Variants in KCNIP3 observed in about 807,000 individuals in gnomAD.
KCNIP3 encodes the protein potassium voltage-gated channel interacting protein 3, also known as calsenilin.
KCNIP3 carries 28 observed loss-of-function variants against 35.0 expected under a neutral mutation model. That is an observed-to-expected ratio of 0.80 (90% CI 0.59 to 1.10). KCNIP3 has a LOEUF of 1.10. Ranked by LOEUF, KCNIP3 falls within the 50% of genes least tolerant of loss-of-function variation. KCNIP3 has a pLI of 0.00. For synonymous variants in KCNIP3, 134 were observed against 133.8 expected, an observed-to-expected ratio of 1.00 and a Z score of -0.01; for missense variants, 295 against 338.4, an observed-to-expected ratio of 0.87 and a Z score of 1.01.
chr2:95,308,000 A>T (rs1244848145), intron 1 of KCNIP3, among the ~76,000 whole-genome samples: 2 of 152,200 alleles, frequency 1.3e-5, no homozygotes, highest in Non-Finnish European at 2.9e-5. Context: ...GTGTGTGTGC[A>T]TATGTATGTG....
Position 95,375,142 on chromosome 2 carries a change from C to T in KCNIP3, c.381C>T (p.Ala127=). 15 of 1,614,178 alleles carry T rather than the reference C, an allele frequency of 9.3e-6. No homozygotes were observed. Among genetic ancestry groups the T allele is most frequent in the East Asian group, 4.5e-5 (2 of 44,876 alleles). Reference sequence around the variant, plus strand: ...CCTCTTCCTTGCCCTCCCCAGATGCCACCACCTATGCACACTTCCTCTTCA... The same window carrying T: ...CCTCTTCCTTGCCCTCCCCAGATGCTACCACCTATGCACACTTCCTCTTCA... ...IYAQFFPQGD[A]TTYAHFLFNA... is the part of the protein sequence containing the mutation. The change falls in exon 5 of 9, where the codon GCC becomes GCT. Residue 127 remains alanine, a synonymous_variant. Coordinates refer to ENST00000295225, the MANE Select transcript of KCNIP3 (RefSeq NM_013434.5).
chr2:95,317,111 G>GAGGT (rs1678476578), intron 2 of KCNIP3, among the ~76,000 whole-genome samples: 1 of 152,218 alleles, frequency 6.6e-6, no homozygotes, highest in Non-Finnish European at 1.5e-5. Flanking sequence ...TCAAGAGACA[G>GAGGT]CCTAAGGCTA....
intron 2 of KCNIP3, 106 bp downstream of exon 2, chr2:95,310,626 T>C (rs2104210253): frequency 1.6e-6 from 2 of 1,233,678 alleles, no homozygotes; most frequent in Non-Finnish European, 2.4e-6. Context: ...CAGCCTGGGC[T>C]ACATCGCCCC....
rs761059602 is a variant in KCNIP3, at chr2:95,382,343, C to A, written c.556-34C>A. 4.7e-6 allele frequency: 7 copies of A among 1,475,886 alleles called. No individual in the cohort carries two copies. In the South Asian group the frequency reaches 9.1e-5, roughly 19 times the overall value. 91.4% of individuals were successfully genotyped at this position (1,475,886 alleles called of 1,614,324 possible). Reference sequence around the variant, plus strand: ...TTTGGGCCCTCACAGCCACCCCGGCCTTGCAGCAGGCTCATGCCAGCCTCC... The same window carrying A: ...TTTGGGCCCTCACAGCCACCCCGGCATTGCAGCAGGCTCATGCCAGCCTCC... On this transcript the variant is annotated intron_variant, in intron 6 of 8. Transcript: ENST00000295225. The surrounding 1 kb of genome is among the most constrained non-coding windows in gnomAD (Gnocchi z 4.5).
chr2:95,385,773 G>C lies in KCNIP3; in HGVS notation c.*1724G>C, dbSNP rs1350011682. The C allele has an allele frequency of 2.0e-5, 3 of 152,772 alleles. No individual in the cohort carries two copies. Among genetic ancestry groups the C allele is most frequent in the Non-Finnish European group, 4.4e-5 (3 of 68,146 alleles). The allele number at this position is 152,772 out of a possible 1,614,324, so 9.5% of individuals were successfully genotyped here. On this transcript the variant is annotated 3_prime_UTR_variant, in exon 9 of 9. Transcript: ENST00000295225. ...CTCCAGGAGGGCATCAGCTTTCCCT[G>C]GCTCAGGGATCTTCTCCCTCCCCTC...
chr2:95,344,029 T>G (rs1370199468), intron 2 of KCNIP3, among the ~76,000 whole-genome samples: 1 of 152,060 alleles, frequency 6.6e-6, no homozygotes, highest in Non-Finnish European at 1.5e-5. Context: ...CAAGGACCAG[T>G]GAACTGCTCC....
At position 95,381,694 on chromosome 2, in the gene KCNIP3, C is replaced by T; in HGVS notation, c.546C>T (p.Ile182=). The change falls in exon 6 of 9, where the codon ATC becomes ATT. Residue 182 remains isoleucine, a synonymous_variant. Transcript: ENST00000295225. ...ACGACATTAACAAGGATGGCTACAT[C>T]ACCAAAGAGGTAGTAGGGGGCTGGG... The part of the protein sequence containing the change: ...NLYDINKDGY[I]TKEEMLAIMK... The T allele has an allele frequency of 6.2e-7, 1 of 1,611,534 alleles. No individual in the cohort carries two copies.
intron 2 of KCNIP3, among the ~76,000 whole-genome samples, chr2:95,328,051 C>T (rs777540658): frequency 1.3e-4 from 20 of 152,250 alleles, no homozygotes; most frequent in Admixed American, 6.5e-4. Flanking sequence ...CCCCCACACC[C>T]TCTCAGGGGA....
chr2:95,340,003 G>A (rs1679153686), intron 2 of KCNIP3, among the ~76,000 whole-genome samples: 1 of 152,112 alleles, frequency 6.6e-6, no homozygotes, highest in Admixed American at 6.5e-5. Flanking sequence ...AGTGGGAAAA[G>A]AGAAGAGAGA....
rs1197163803 is a variant in KCNIP3, at chr2:95,378,875, C to T, written c.448-2721C>T. Among the ~76,000 whole-genome samples, 1 of 148,842 alleles carries T rather than the reference C, an allele frequency of 6.7e-6. No individual in the cohort carries two copies. The highest frequency in any genetic ancestry group is 1.5e-5 in the Non-Finnish European group (1 of 67,730). ...ATATATACACATATATACACACACA[C>T]ACATATATATACACACACACACATA... On this transcript the variant is annotated intron_variant, in intron 5 of 8. Coordinates refer to ENST00000295225, the MANE Select transcript of KCNIP3 (RefSeq NM_013434.5). The surrounding 1 kb of genome is among the most constrained non-coding windows in gnomAD (Gnocchi z 4.0).
chr2:95,365,526 T>A (rs1438044138), intron 2 of KCNIP3, among the ~76,000 whole-genome samples: 2 of 152,170 alleles, frequency 1.3e-5, no homozygotes, highest in Non-Finnish European at 2.9e-5. Context: ...ACGATCCTTG[T>A]AAGAGCAGTT....
intron 2 of KCNIP3, among the ~76,000 whole-genome samples, chr2:95,325,824 CA>C (rs1678744920): frequency 1.4e-5 from 2 of 145,122 alleles, no homozygotes; most frequent in Non-Finnish European, 3.0e-5. Flanking sequence ...CACACATACA[CA>C]TACACTCATA....
At chr2:95,374,991 C>T (rs1308812292) in intron 4 of KCNIP3, 74 bp downstream of exon 4, 2 of 1,557,412 alleles carry the variant, frequency 1.3e-6, no homozygotes, top group Non-Finnish European at 8.8e-7. Context: ...CCCTTGCATC[C>T]TGGAGGCTTG....
chr2:95,337,253 C>G (rs1436852050), intron 2 of KCNIP3, among the ~76,000 whole-genome samples: 4 of 152,132 alleles, frequency 2.6e-5, no homozygotes, highest in Non-Finnish European at 5.9e-5. Context: ...ATTCTCTTTT[C>G]TCGAGGATCA....
intron 2 of KCNIP3, among the ~76,000 whole-genome samples, chr2:95,363,991 C>T (rs1206050873): frequency 6.6e-6 from 1 of 152,154 alleles, no homozygotes; most frequent in Admixed American, 6.5e-5. Flanking sequence ...CTTTACTTCT[C>T]AATTCGTACA....
At chr2:95,367,979 CT>C (rs1482340027) in intron 2 of KCNIP3, among the ~76,000 whole-genome samples, 3 of 152,196 alleles carry the variant, frequency 2.0e-5, no homozygotes, top group Non-Finnish European at 2.9e-5. Context: ...CCAGGCTGGT[CT>C]CGAACTCCTG....
intron 2 of KCNIP3, among the ~76,000 whole-genome samples, chr2:95,354,375 G>A (rs1291492616): frequency 6.6e-6 from 1 of 152,236 alleles, no homozygotes; most frequent in Non-Finnish European, 1.5e-5. Flanking sequence ...TTGGACATGC[G>A]TTTTATGCCA....
intron 2 of KCNIP3, among the ~76,000 whole-genome samples, chr2:95,319,390 C>T (rs754149402): frequency 4.6e-5 from 7 of 152,206 alleles, no homozygotes; most frequent in Admixed American, 2.0e-4. Flanking sequence ...CCTTAGGCTC[C>T]CAAGCCTTCC....
intron 2 of KCNIP3, among the ~76,000 whole-genome samples, chr2:95,373,699 TGA>T (rs906849355): frequency 5.3e-5 from 8 of 152,306 alleles, no homozygotes; most frequent in Non-Finnish European, 1.0e-4. Flanking sequence ...ATTACAGGTG[TGA>T]GTCACCGCAC....
Sources: allele counts gnomAD v4.1 joint callset (sites outside exome capture counted in the v4.1 genomes callset), GRCh38; gene constraint gnomAD v4.1.1; non-coding constraint Gnocchi (gnomAD v3.1); transcripts MANE v1.5; gene names NCBI Gene and HGNC (gene_info 2026-07-23, HGNC 2026-07-21).